The following TTC7A variants were observed in gnomAD, a reference collection of about 807,000 sequenced individuals.
TTC7A encodes the protein tetratricopeptide repeat protein 7A.
Under a neutral mutation model 103.7 loss-of-function variants are expected in TTC7A, and 110 were observed. That is an observed-to-expected ratio of 1.06 (90% CI 0.91 to 1.24). The LOEUF (loss-of-function observed/expected upper bound fraction) is 1.24. Among genes scored for constraint, TTC7A ranks in the 50% most tolerant of loss-of-function variants. The pLI is 0.00. For synonymous variants in TTC7A, 521 were observed against 467.9 expected (o/e 1.11, Z -1.47); for missense variants, 1,340 against 1,116.3 (o/e 1.20, Z -2.86).
At chr2:46,965,792 A>T (rs1672783782) in intron 3 of TTC7A, among the ~76,000 whole-genome samples, 1 of 151,916 alleles carries the variant, frequency 6.6e-6, no homozygotes, top group African/African-American at 2.4e-5. Flanking sequence ...TGAACTCCTG[A>T]CCTCAAGTGA....
At chr2:47,026,311 C>T (rs1679910286) in intron 14 of TTC7A, among the ~76,000 whole-genome samples, 1 of 152,190 alleles carries the variant, frequency 6.6e-6, no homozygotes, top group African/African-American at 2.4e-5. Flanking sequence ...ACAGGAGCAG[C>T]CTTAGGGCCA....
chr2:47,023,582 C>A, intron 13 of TTC7A, 117 bp downstream of exon 13: 1 of 1,117,692 alleles, frequency 8.9e-7, no homozygotes, highest in Non-Finnish European at 1.3e-6. Flanking sequence ...CTCCATTTTA[C>A]AGATGAGGGA....
chr2:46,941,798 C>G lies in TTC7A; in HGVS notation c.184+73C>G. 1 of 1,533,084 alleles carries G rather than the reference C, an allele frequency of 6.5e-7. No individual in the cohort carries two copies. The highest frequency in any genetic ancestry group is 8.8e-7 in the Non-Finnish European group (1 of 1,135,360). 95.0% of individuals were successfully genotyped at this position (1,533,084 alleles called of 1,614,324 possible). On this transcript the variant is annotated intron_variant, in intron 1 of 19. Transcript: ENST00000319190. The surrounding 1 kb of genome is among the most constrained non-coding windows in gnomAD (Gnocchi z 4.2). Reference sequence around the variant, plus strand: ...CACCGCCTCCTCCAGGAAGCGCGCCCAGACAGTCCTCGGCCGACAGCGGGC... The same window carrying G: ...CACCGCCTCCTCCAGGAAGCGCGCCGAGACAGTCCTCGGCCGACAGCGGGC...
At chr2:46,921,849 T>C (rs1462819749) in intron 2 of TTC7A, among the ~76,000 whole-genome samples, 2 of 151,984 alleles carry the variant, frequency 1.3e-5, no homozygotes, top group African/African-American at 4.8e-5. Flanking sequence ...CCTGTGAGAA[T>C]CTCATGCCGC....
intron 5 of TTC7A, among the ~76,000 whole-genome samples, chr2:46,989,099 T>A (rs2104352200): frequency 1.3e-5 from 2 of 152,314 alleles, no homozygotes; most frequent in South Asian, 4.1e-4. Flanking sequence ...TGCTGCCACC[T>A]AGGGGACTGG....
At chr2:46,937,666 G>A (rs1396067998), upstream of TTC7A, among the ~76,000 whole-genome samples, 1 of 152,138 alleles carries the variant, frequency 6.6e-6, no homozygotes, top group Non-Finnish European at 1.5e-5. The surrounding 1 kb of genome is among the most constrained non-coding windows in gnomAD (Gnocchi z 4.0). Flanking sequence ...TTGAATTCCT[G>A]GACTCAAGTG....
At chr2:46,955,514 C>T (rs1209530939) in intron 2 of TTC7A, among the ~76,000 whole-genome samples, 2 of 152,128 alleles carry the variant, frequency 1.3e-5, no homozygotes, top group Non-Finnish European at 2.9e-5. Context: ...AGGAGGCTTT[C>T]AGGAGAAGGT....
chr2:47,007,066 C>A lies in TTC7A; in HGVS notation c.1287+342C>A, dbSNP rs1216420663. On this transcript the variant is annotated intron_variant, in intron 10 of 19. Coordinates refer to ENST00000319190, the MANE Select transcript of TTC7A (RefSeq NM_020458.4). The surrounding 1 kb of genome is among the most constrained non-coding windows in gnomAD (Gnocchi z 4.9). ...TGCATCCAGGTGAGTGAACATTGTT[C>A]CACGTGGGCTGTAGTTCTCATCCTG... Among the ~76,000 whole-genome samples, 1 of 152,114 alleles carries A rather than the reference C, an allele frequency of 6.6e-6. No homozygotes were observed. Among genetic ancestry groups the A allele is most frequent in the Non-Finnish European group, 1.5e-5 (1 of 68,014 alleles).
At chr2:46,916,650 G>C (rs962363968) in intron 1 of TTC7A, 6 of 154,674 alleles carry the variant, frequency 3.9e-5, no homozygotes, top group African/African-American at 1.5e-4. Context: ...GTTTTGTTTT[G>C]TTTTGAGACG....
chr2:47,055,332 C>T (rs80225400), intron 18 of TTC7A, among the ~76,000 whole-genome samples: 2,472 of 152,326 alleles, frequency 0.016, 64 homozygotes, highest in African/African-American at 0.057. Flanking sequence ...AAGAGACTGT[C>T]GTAGCCTTCC....
intron 18 of TTC7A, among the ~76,000 whole-genome samples, chr2:47,058,885 C>G (rs1683535290): frequency 6.6e-6 from 1 of 152,064 alleles, no homozygotes; most frequent in Admixed American, 6.5e-5. Context: ...TCCTCCCCTG[C>G]CTGCTGGCCC....
intron 2 of TTC7A, among the ~76,000 whole-genome samples, chr2:46,920,066 C>T (rs1426141786): frequency 6.6e-6 from 1 of 152,186 alleles, no homozygotes; most frequent in Non-Finnish European, 1.5e-5. Context: ...TGGCCATCTG[C>T]ATTTGATGAC....
intron 11 of TTC7A, among the ~76,000 whole-genome samples, chr2:47,021,137 C>T (rs372015423): frequency 6.6e-6 from 1 of 152,216 alleles, no homozygotes; most frequent in African/African-American, 2.4e-5. Context: ...GGGCACACTA[C>T]CACACCAGGC....
rs756911336 is a variant in TTC7A at position 47,049,983 on chromosome 2, C to T, written c.1954C>T (p.Leu652Phe). ...LEKDGSFGEGLTMKKQSGMHL... is the reference protein window; with the variant it reads ...LEKDGSFGEGFTMKKQSGMHL... ...AAAGGATGGCAGCTTCGGTGAGGGC[C>T]TCACCATGAAGAAGCAGAGTGGCAT... The change falls in exon 17 of 20, where the codon CTC (leucine) becomes TTC (phenylalanine). Residue 652 changes from leucine (L) to phenylalanine (F), a missense_variant. Physicochemically the swap from Leu to Phe is conservative, Grantham distance 22 (BLOSUM62 0). Coordinates refer to ENST00000319190, the MANE Select transcript of TTC7A (RefSeq NM_020458.4). 6.2e-7 allele frequency: 1 copy of T among 1,614,196 alleles called. No homozygotes were observed. The highest frequency in any genetic ancestry group is 8.5e-7 in the Non-Finnish European group (1 of 1,180,028).
At chr2:46,949,268 C>A (rs1671202152) in intron 1 of TTC7A, among the ~76,000 whole-genome samples, 5 of 152,190 alleles carry the variant, frequency 3.3e-5, no homozygotes, top group Non-Finnish European at 7.3e-5. Flanking sequence ...CAGAATCTCA[C>A]TTTGTTGCCC....
chr2:47,045,171 G>A (rs1682183166), intron 15 of TTC7A, among the ~76,000 whole-genome samples: 2 of 152,230 alleles, frequency 1.3e-5, no homozygotes, highest in Admixed American at 6.5e-5. Flanking sequence ...TCTGGCCCTC[G>A]GTGGTTCAAA....
chr2:47,053,842 G>T (rs868484342), intron 18 of TTC7A, among the ~76,000 whole-genome samples: 10 of 152,184 alleles, frequency 6.6e-5, no homozygotes, highest in African/African-American at 2.2e-4. Context: ...CCAAAGTGCT[G>T]GGATTACAGG....
chr2:46,944,948 G>A (rs1054717550), intron 1 of TTC7A, among the ~76,000 whole-genome samples: 4 of 152,074 alleles, frequency 2.6e-5, no homozygotes, highest in African/African-American at 4.8e-5. Flanking sequence ...CAAATTAGGC[G>A]ACATAACTGC....
At chr2:46,981,374 G>A (rs1674442997) in intron 5 of TTC7A, among the ~76,000 whole-genome samples, 3 of 152,038 alleles carry the variant, frequency 2.0e-5, no homozygotes, top group South Asian at 2.1e-4. Context: ...TGTGGGGGTC[G>A]AGGAGGAGGT....
Sources: allele counts gnomAD v4.1 joint callset (sites outside exome capture counted in the v4.1 genomes callset), GRCh38; gene constraint gnomAD v4.1.1; non-coding constraint Gnocchi (gnomAD v3.1); transcripts MANE v1.5; gene names NCBI Gene and HGNC (gene_info 2026-07-23, HGNC 2026-07-21).